Variants in FTO observed in about 807,000 individuals in gnomAD.
FTO encodes the protein alpha-ketoglutarate-dependent dioxygenase FTO.
A neutral mutation model predicts 63.9 loss-of-function variants in FTO; 47 were observed. The ratio of observed to expected loss-of-function variants is 0.74; its 90% confidence interval spans 0.58 to 0.94. The LOEUF is 0.94. Among genes scored for constraint, FTO ranks in the 40% least tolerant of loss-of-function variants. FTO has a pLI of 0.00. For missense variants in FTO, 562 were observed against 618.1 expected (o/e 0.91, Z 0.96); for synonymous variants, 207 against 224.4 (o/e 0.92, Z 0.69).
At chr16:53,900,967 G>A (rs2081390399) in intron 7 of FTO, among the ~76,000 whole-genome samples, 1 of 152,124 alleles carries the variant, frequency 6.6e-6, no homozygotes, top group African/African-American at 2.4e-5. Flanking sequence ...GCAAGGTATG[G>A]CACTTTCACC....
chr16:54,022,518 C>G (rs1299746052), intron 8 of FTO, among the ~76,000 whole-genome samples: 1 of 152,112 alleles, frequency 6.6e-6, no homozygotes, highest in Non-Finnish European at 1.5e-5. Context: ...GAGGTTGTCT[C>G]TCCTTTGCTT....
At chr16:53,821,496 A>G (rs1028671365) in intron 2 of FTO, among the ~76,000 whole-genome samples, 7 of 152,188 alleles carry the variant, frequency 4.6e-5, no homozygotes, top group Non-Finnish European at 7.3e-5. Context: ...AGAAAGTACG[A>G]TATCACTGTT....
chr16:53,800,695 T>C (rs7188250), intron 1 of FTO, among the ~76,000 whole-genome samples: 46,793 of 151,822 alleles, frequency 0.31, 8,653 homozygotes, highest in Non-Finnish European at 0.42. Flanking sequence ...ATGTTCTTGA[T>C]GATTTGACTC....
At position 53,798,579 on chromosome 16, in the gene FTO, T is replaced by A. The variant is rs1005006722; in HGVS notation, c.46-11561T>A. Among the ~76,000 whole-genome samples, 6 of 152,344 alleles carry A rather than the reference T, an allele frequency of 3.9e-5. No homozygotes were observed. The East Asian group carries it at 1.2e-3, about 29-fold the overall frequency. On this transcript the variant is annotated intron_variant, in intron 1 of 8. Transcript: ENST00000471389. ...AATTTCAGATTGTTGGTTGCTAGCA[T>A]ATAAAAATAATTTTTGTATATTGAT...
At chr16:53,803,914 C>T (rs2078290134) in intron 1 of FTO, among the ~76,000 whole-genome samples, 1 of 152,094 alleles carries the variant, frequency 6.6e-6, no homozygotes, top group Admixed American at 6.5e-5. Flanking sequence ...CTTATTAATC[C>T]AGTGGCATTA....
At chr16:53,816,234 A>G (rs1598736242) in intron 2 of FTO, among the ~76,000 whole-genome samples, 1 of 151,928 alleles carries the variant, frequency 6.6e-6, no homozygotes, top group African/African-American at 2.4e-5. Flanking sequence ...GCTTCTCACC[A>G]CCTCTGCTTC....
intron 8 of FTO, among the ~76,000 whole-genome samples, chr16:54,023,090 T>C (rs539879573): frequency 6.6e-6 from 1 of 152,326 alleles, no homozygotes; most frequent in South Asian, 2.1e-4. Flanking sequence ...GTTTGCACAT[T>C]GGTGAATTCA....
chr16:54,004,472 T>C (rs2084147594), intron 8 of FTO, among the ~76,000 whole-genome samples: 1 of 152,154 alleles, frequency 6.6e-6, no homozygotes, highest in African/African-American at 2.4e-5. Context: ...TATCCTATGT[T>C]GGATTAGTCA....
intron 8 of FTO, among the ~76,000 whole-genome samples, chr16:54,038,761 G>A (rs576300083): frequency 6.6e-5 from 10 of 152,186 alleles, no homozygotes; most frequent in African/African-American, 1.9e-4. Context: ...TACCCTCTTC[G>A]CCTTCTGCCA....
Position 54,111,767 on chromosome 16 carries a change from A to G in FTO, c.1370A>G (p.Gln457Arg). The change falls in exon 9 of 9, where the codon CAG (glutamine) becomes CGG (arginine). Residue 457 changes from glutamine to arginine, a missense_variant. Physicochemically the swap from Gln to Arg is conservative, Grantham distance 43. Transcript: ENST00000471389. ...NLRREWHARC[Q>R]SRIARTLPAD... ...TCCTATTTTTACTCTTCCAGGTGCC[A>G]GTCACGAATTGCCCGAACATTACCT... The G allele has an allele frequency of 6.2e-7, 1 of 1,614,104 alleles. No individual in the cohort carries two copies. Among genetic ancestry groups the G allele is most frequent in the Non-Finnish European group, 8.5e-7 (1 of 1,180,012 alleles).
chr16:53,972,721 T>G (rs1236966553), intron 8 of FTO, among the ~76,000 whole-genome samples: 1 of 152,172 alleles, frequency 6.6e-6, no homozygotes, highest in Non-Finnish European at 1.5e-5. Context: ...TTCAATCAGC[T>G]CTACATTTTA....
chr16:53,714,762 A>C (rs2075853428), intron 1 of FTO, among the ~76,000 whole-genome samples: 1 of 152,162 alleles, frequency 6.6e-6, no homozygotes, highest in Admixed American at 6.5e-5. Flanking sequence ...TGTTCTCATA[A>C]AACACGATCC....
Position 53,833,028 on chromosome 16 carries a change from C to T in FTO, c.751+6537C>T, listed in dbSNP as rs2079185037. On this transcript the variant is annotated intron_variant, in intron 3 of 8. Coordinates refer to ENST00000471389, the MANE Select transcript of FTO (RefSeq NM_001080432.3). ...TGAATTGTATCTCCCAGAATTCGCA[C>T]ATGTTGTGGGAGGGACCAAAGAGGA... Among the ~76,000 whole-genome samples the T allele has an allele frequency of 2.0e-5, 3 of 152,184 alleles. No individual in the cohort carries two copies. In the South Asian group the frequency reaches 6.2e-4, roughly 32 times the overall value.
At chr16:53,928,701 CTT>C (rs1256297581) in intron 7 of FTO, among the ~76,000 whole-genome samples, 2 of 152,074 alleles carry the variant, frequency 1.3e-5, no homozygotes, top group African/African-American at 4.8e-5. Flanking sequence ...TTACTTGAAA[CTT>C]GTTTTCTGCA....
intron 8 of FTO, among the ~76,000 whole-genome samples, chr16:54,108,819 G>T (rs1278042937): frequency 6.6e-6 from 1 of 152,120 alleles, no homozygotes; most frequent in Non-Finnish European, 1.5e-5. Flanking sequence ...TGCCCAAGAC[G>T]TCATGCCCCT....
chr16:53,968,614 T>TG (rs2083247197), intron 8 of FTO, among the ~76,000 whole-genome samples: 1 of 152,148 alleles, frequency 6.6e-6, no homozygotes, highest in South Asian at 2.1e-4. Context: ...GAAGTGTTGA[T>TG]GTGTGGTTTA....
intron 8 of FTO, among the ~76,000 whole-genome samples, chr16:53,966,946 G>A (rs543998246): frequency 2.4e-4 from 37 of 152,260 alleles, no homozygotes; most frequent in South Asian, 1.2e-3. Context: ...GGCCTGATCC[G>A]TGTGGAGTGG....
intron 8 of FTO, among the ~76,000 whole-genome samples, chr16:54,046,958 A>G (rs1280524949): frequency 1.5e-5 from 2 of 132,196 alleles, no homozygotes; most frequent in African/African-American, 2.8e-5. Flanking sequence ...ACAAAAATCA[A>G]TTCAAGATGG....
chr16:53,950,155 TAAAAAAAAAA>T (rs57925273), intron 8 of FTO, among the ~76,000 whole-genome samples: 10 of 50,604 alleles, frequency 2.0e-4, no homozygotes, highest in Admixed American at 1.2e-3. Flanking sequence ...TTCACATTTG[TAAAAAAAAAA>T]AAAAAAAAAA....
Sources: gnomAD v4.1 joint callset for allele counts (sites outside exome capture counted in the v4.1 genomes callset) on GRCh38, gnomAD v4.1.1 for gene constraint, MANE v1.5 for transcripts, NCBI Gene and HGNC (gene_info 2026-07-23, HGNC 2026-07-21) for gene names.